PTPRT: variants seen among roughly 807,000 people sequenced by gnomAD.
The protein encoded by PTPRT is receptor-type tyrosine-protein phosphatase T.
A neutral mutation model predicts 176.8 loss-of-function variants in PTPRT; 56 were observed. The observed-to-expected ratio is 0.32, with a 90% CI of 0.26 to 0.40. PTPRT has a LOEUF of 0.40. Ranked by LOEUF, PTPRT falls within the 10% of genes least tolerant of loss-of-function variation. The pLI, the probability that PTPRT is intolerant of heterozygous loss-of-function variation, is 1.00. For missense variants in PTPRT, 1,540 were observed against 1,908.2 expected (o/e 0.81, Z 3.60); for synonymous variants, 783 against 739.0 (o/e 1.06, Z -0.96).
At chr20:43,006,194 A>C (rs1984847087) in intron 1 of PTPRT, among the ~76,000 whole-genome samples, 1 of 152,238 alleles carries the variant, frequency 6.6e-6, no homozygotes, top group Admixed American at 6.5e-5. Context: ...ACATTTTTAA[A>C]ACAGAAATGC....
chr20:42,078,392 A>G lies in PTPRT; in HGVS notation c.*2487T>C, dbSNP rs60102878. The G allele has an allele frequency of 8.9e-3, 1,883 of 211,496 alleles. 35 individuals are homozygous for G. The highest frequency in any genetic ancestry group is 0.04 in the African/African-American group (1,757 of 44,110). The allele number at this position is 211,496 out of a possible 1,614,324, so 13.1% of individuals were successfully genotyped here. A position where few individuals can be genotyped will look rare whatever the true frequency, so the allele number is the denominator to read the frequency against. On this transcript the variant is annotated 3_prime_UTR_variant, in exon 31 of 31. Coordinates refer to ENST00000373187, the MANE Select transcript of PTPRT (RefSeq NM_007050.6). Reference sequence around the variant, plus strand: ...GACCCTGCTCCGTGGTAAAGCAGAGACCCTGGGTTTCTCATAGAATCTGAG... The same window carrying G: ...GACCCTGCTCCGTGGTAAAGCAGAGGCCCTGGGTTTCTCATAGAATCTGAG...
At chr20:42,923,722 G>A (rs917417068) in intron 1 of PTPRT, among the ~76,000 whole-genome samples, 2 of 152,206 alleles carry the variant, frequency 1.3e-5, no homozygotes, top group African/African-American at 2.4e-5. Context: ...GGTACTCCAC[G>A]TGCACTGCTG....
chr20:43,186,314 C>A (rs1404048955), intron 1 of PTPRT, among the ~76,000 whole-genome samples: 2 of 152,234 alleles, frequency 1.3e-5, no homozygotes, highest in African/African-American at 4.8e-5. Flanking sequence ...CCAAACCAGG[C>A]TGCCTCCTGA....
intron 17 of PTPRT, among the ~76,000 whole-genome samples, chr20:42,145,089 T>C (rs1237924263): frequency 2.0e-5 from 3 of 152,202 alleles, no homozygotes; most frequent in Admixed American, 2.0e-4. Flanking sequence ...GCTTTGTTAG[T>C]TGTGTAGTCT....
chr20:42,409,881 G>A (rs980982831), intron 9 of PTPRT, among the ~76,000 whole-genome samples: 6 of 152,234 alleles, frequency 3.9e-5, no homozygotes, highest in Admixed American at 6.5e-5. Context: ...TCTAGAAATG[G>A]AGCAGACTGC....
At position 42,742,747 on chromosome 20, in the gene PTPRT, A is replaced by G. The variant is rs140595768; in HGVS notation, c.859+13715T>C. 2.0e-3 allele frequency among the ~76,000 whole-genome samples: 297 copies of G among 152,222 alleles called. 1 individual carries two copies. The highest frequency in any genetic ancestry group is 3.0e-3 in the Non-Finnish European group (205 of 68,034). On this transcript the variant is annotated intron_variant, in intron 6 of 30. Transcript: ENST00000373187. Reference sequence around the variant, plus strand: ...CTTGCTGGTATGAAGCAGGTCCCACACTCTGCGATTTCCACACTTTATTTC... The same window carrying G: ...CTTGCTGGTATGAAGCAGGTCCCACGCTCTGCGATTTCCACACTTTATTTC...
At chr20:43,045,280 AGT>A (rs1986785216) in intron 1 of PTPRT, among the ~76,000 whole-genome samples, 1 of 152,116 alleles carries the variant, frequency 6.6e-6, no homozygotes, top group East Asian at 1.9e-4. Flanking sequence ...TCCTCCCTTC[AGT>A]TAATTTCATT....
At chr20:42,620,571 T>G (rs538480512) in intron 7 of PTPRT, among the ~76,000 whole-genome samples, 7 of 151,902 alleles carry the variant, frequency 4.6e-5, no homozygotes, top group African/African-American at 1.7e-4. Flanking sequence ...GATCTCAGAC[T>G]GCTGTGCTAG....
chr20:42,917,142 G>A (rs1161085760), intron 1 of PTPRT, among the ~76,000 whole-genome samples: 2 of 152,138 alleles, frequency 1.3e-5, no homozygotes, highest in Non-Finnish European at 2.9e-5. Flanking sequence ...TTTTGTATAA[G>A]GTGTAAGGAA....
At chr20:42,057,538 C>T in the PTPRT span, among the ~76,000 whole-genome samples, 1 of 152,154 alleles carries the variant, frequency 6.6e-6, no homozygotes, top group Non-Finnish European at 1.5e-5. Context: ...ATAATCTTTC[C>T]TTGTGGTCCT....
chr20:42,351,932 A>G, intron 10 of PTPRT, 152 bp downstream of exon 10: 1 of 669,868 alleles, frequency 1.5e-6, no homozygotes, highest in Non-Finnish European at 2.5e-6. Flanking sequence ...TTTTCTTCAT[A>G]GGAGACAACA....
intron 9 of PTPRT, among the ~76,000 whole-genome samples, chr20:42,373,539 T>C (rs1398343361): frequency 6.6e-6 from 1 of 152,212 alleles, no homozygotes; most frequent in Non-Finnish European, 1.5e-5. Context: ...CTAACAGCCT[T>C]TGATGCTAGC....
chr20:42,916,336 T>A (rs907217016), intron 1 of PTPRT, among the ~76,000 whole-genome samples: 1 of 152,212 alleles, frequency 6.6e-6, no homozygotes, highest in South Asian at 2.1e-4. Flanking sequence ...GGTGTATATG[T>A]GCCACATTTT....
chr20:42,994,082 G>A (rs777602911), intron 1 of PTPRT, among the ~76,000 whole-genome samples: 3 of 152,108 alleles, frequency 2.0e-5, no homozygotes, highest in Non-Finnish European at 4.4e-5. Flanking sequence ...TAAAATATGT[G>A]TGGCACCGGT....
At chr20:42,734,914 C>T (rs560607140) in intron 6 of PTPRT, among the ~76,000 whole-genome samples, 58 of 152,222 alleles carry the variant, frequency 3.8e-4, no homozygotes, top group African/African-American at 1.3e-3. Context: ...CGGTTCAAAC[C>T]AAGCCACATG....
chr20:42,053,630 G>A, the PTPRT span, among the ~76,000 whole-genome samples: 1 of 152,212 alleles, frequency 6.6e-6, no homozygotes, highest in African/African-American at 2.4e-5. Flanking sequence ...CTGCTGGAGT[G>A]GACATGAGAG....
At chr20:42,342,130 A>C (rs1020130701) in intron 11 of PTPRT, among the ~76,000 whole-genome samples, 2 of 152,166 alleles carry the variant, frequency 1.3e-5, no homozygotes, top group Admixed American at 1.3e-4. Context: ...GTGCTATATC[A>C]CCAGACTGAC....
At chr20:42,431,431 T>TA (rs1379389891) in intron 9 of PTPRT, among the ~76,000 whole-genome samples, 1 of 152,192 alleles carries the variant, frequency 6.6e-6, no homozygotes, top group African/African-American at 2.4e-5. Flanking sequence ...ATGCCATCAT[T>TA]AAAAAAGATG....
At chr20:42,753,713 C>T (rs1254433794) in intron 6 of PTPRT, among the ~76,000 whole-genome samples, 1 of 152,234 alleles carries the variant, frequency 6.6e-6, no homozygotes, top group Non-Finnish European at 1.5e-5. Flanking sequence ...CCAGGATGCA[C>T]AACCAGCAGA....
Sources: allele counts gnomAD v4.1 joint callset (sites outside exome capture counted in the v4.1 genomes callset), GRCh38; gene constraint gnomAD v4.1.1; transcripts MANE v1.5; gene names NCBI Gene and HGNC (gene_info 2026-07-23, HGNC 2026-07-21).